The following MALRD1 variants were observed in gnomAD, a reference collection of about 807,000 sequenced individuals.
MALRD1 encodes MAM and LDL receptor class A domain containing 1, also known as MAM and LDL-receptor class A domain-containing protein 1.
MALRD1 carries 247 observed loss-of-function variants against 242.1 expected under a neutral mutation model. The observed-to-expected ratio is 1.02, with a 90% confidence interval of 0.92 to 1.13. The LOEUF is 1.13. Ranked by LOEUF, MALRD1 falls within the 50% of genes most tolerant of loss-of-function variation. The pLI is 0.00. For missense variants in MALRD1, 2,989 were observed against 2,533.1 expected (o/e 1.18, Z -3.86); for synonymous variants, 995 against 866.6 (o/e 1.15, Z -2.60).
chr10:19,263,285 C>A (rs1839833592), intron 19 of MALRD1, among the ~76,000 whole-genome samples: 1 of 152,154 alleles, frequency 6.6e-6, no homozygotes, highest in African/African-American at 2.4e-5. Context: ...CCCCTTTCTC[C>A]ACATCTTCAC....
intron 25 of MALRD1, among the ~76,000 whole-genome samples, chr10:19,349,816 T>C (rs933300267): frequency 1.3e-5 from 2 of 152,190 alleles, no homozygotes; most frequent in Non-Finnish European, 2.9e-5. Flanking sequence ...TCAGCTTTTC[T>C]ATTTAAACAC....
chr10:19,722,764 A>C (rs956381545), intron 38 of MALRD1, among the ~76,000 whole-genome samples: 2 of 152,092 alleles, frequency 1.3e-5, no homozygotes, highest in Non-Finnish European at 2.9e-5. Flanking sequence ...TGACAAAAGG[A>C]GGAAAGCATA....
chr10:19,535,763 T>A (rs1443172340), intron 32 of MALRD1, among the ~76,000 whole-genome samples: 1 of 152,074 alleles, frequency 6.6e-6, no homozygotes, highest in Non-Finnish European at 1.5e-5. Flanking sequence ...TTCTAAAGGG[T>A]CCTCATATTT....
chr10:19,542,108 C>T (rs910117809), intron 32 of MALRD1, among the ~76,000 whole-genome samples: 16 of 152,086 alleles, frequency 1.1e-4, no homozygotes, highest in African/African-American at 3.6e-4. Context: ...AATCAAGTCA[C>T]AGTTTTAAGA....
At chr10:19,493,575 C>T (rs1321831969) in intron 30 of MALRD1, among the ~76,000 whole-genome samples, 2 of 151,302 alleles carry the variant, frequency 1.3e-5, no homozygotes, top group Non-Finnish European at 2.9e-5. Flanking sequence ...TTTGGGAGGC[C>T]GATGCGGGTG....
At chr10:19,161,896 C>A (rs561902188) in intron 12 of MALRD1, among the ~76,000 whole-genome samples, 7 of 152,148 alleles carry the variant, frequency 4.6e-5, no homozygotes, top group Non-Finnish European at 8.8e-5. Context: ...GGCGTGGTAG[C>A]ACGTGCCTGT....
At chr10:19,476,054 T>C (rs114169061) in intron 29 of MALRD1, among the ~76,000 whole-genome samples, 143 of 152,328 alleles carry the variant, frequency 9.4e-4, no homozygotes, top group Middle Eastern at 3.4e-3. Flanking sequence ...TAATATTCTT[T>C]TTAGTGCACA....
chr10:19,683,178 G>A (rs1157679541), intron 36 of MALRD1, among the ~76,000 whole-genome samples: 3 of 151,754 alleles, frequency 2.0e-5, no homozygotes, highest in African/African-American at 7.3e-5. Context: ...GAATTGGTAA[G>A]CCATGAAAAC....
rs191439715 is a variant in MALRD1, at chr10:19,645,411, A to G, written c.6137+29488A>G. On this transcript the variant is annotated intron_variant, in intron 36 of 39. Coordinates refer to ENST00000454679, the MANE Select transcript of MALRD1 (RefSeq NM_001142308.3). ...CCAAAGGATTATAAATCATGCTGCT[A>G]TAAAGACACATGCACACATACGTTT... is the stretch of plus-strand genomic sequence containing the variant. Among the ~76,000 whole-genome samples, 1,122 of 152,338 alleles carry G rather than the reference A, an allele frequency of 7.4e-3. 4 individuals are homozygous for G. The highest frequency in any genetic ancestry group is 0.012 in the Non-Finnish European group (819 of 68,034).
chr10:19,326,039 A>AT (rs35409078), intron 22 of MALRD1, among the ~76,000 whole-genome samples: 1 of 151,774 alleles, frequency 6.6e-6, no homozygotes, highest in South Asian at 2.1e-4. Flanking sequence ...CAATTTTAGA[A>AT]TTTTTTTTAT....
At chr10:19,146,845 A>G (rs1401012818) in intron 11 of MALRD1, among the ~76,000 whole-genome samples, 2 of 152,184 alleles carry the variant, frequency 1.3e-5, no homozygotes, top group African/African-American at 4.8e-5. Flanking sequence ...CCATCATTCC[A>G]GTGTTTACAT....
At chr10:19,430,654 G>A (rs372989788) in intron 28 of MALRD1, among the ~76,000 whole-genome samples, 20 of 152,004 alleles carry the variant, frequency 1.3e-4, no homozygotes, top group Admixed American at 4.6e-4. Context: ...GTATTCTTAT[G>A]TTCCCATGTG....
intron 36 of MALRD1, among the ~76,000 whole-genome samples, chr10:19,641,909 CT>C: frequency 6.6e-6 from 1 of 152,104 alleles, no homozygotes; most frequent in Non-Finnish European, 1.5e-5. Flanking sequence ...AAACTCTGTC[CT>C]TTTATTATTG....
rs192479204 is a variant in MALRD1 at position 19,134,294 on chromosome 10, C to T, written c.1203+346C>T. On this transcript the variant is annotated intron_variant, in intron 9 of 39. Coordinates refer to ENST00000454679, the MANE Select transcript of MALRD1 (RefSeq NM_001142308.3). ...GTATTGAAACTTAGTAGAGTATAGG[C>T]AAATGTTTTGAATGCAATAATTCAT... Among the ~76,000 whole-genome samples, 569 of 152,208 alleles carry T rather than the reference C, an allele frequency of 3.7e-3. 5 individuals carry two copies. Among genetic ancestry groups the T allele is most frequent in the South Asian group, 0.029 (139 of 4,824 alleles).
intron 31 of MALRD1, among the ~76,000 whole-genome samples, chr10:19,507,904 A>G (rs772915314): frequency 5.3e-5 from 8 of 152,196 alleles, no homozygotes; most frequent in Non-Finnish European, 7.3e-5. Context: ...TCATCAGGAA[A>G]TATTTTTTTG....
intron 18 of MALRD1, among the ~76,000 whole-genome samples, chr10:19,257,327 A>G (rs1839559693): frequency 6.6e-6 from 1 of 152,162 alleles, no homozygotes; most frequent in African/African-American, 2.4e-5. Flanking sequence ...GGGAACAATT[A>G]TTTGCCTTCA....
chr10:19,094,702 G>A (rs1835956873), intron 4 of MALRD1, among the ~76,000 whole-genome samples: 1 of 152,156 alleles, frequency 6.6e-6, no homozygotes, highest in Non-Finnish European at 1.5e-5. Context: ...AATGAGGAAG[G>A]AGACTGTTTA....
intron 28 of MALRD1, among the ~76,000 whole-genome samples, chr10:19,408,320 T>C (rs987978479): frequency 6.6e-6 from 1 of 152,136 alleles, no homozygotes; most frequent in Admixed American, 6.6e-5. Flanking sequence ...TTCAGTTCTA[T>C]GGGCATCTGG....
chr10:19,536,399 G>A (rs372092386), intron 32 of MALRD1, among the ~76,000 whole-genome samples: 42 of 149,046 alleles, frequency 2.8e-4, no homozygotes, highest in African/African-American at 8.6e-4. Context: ...TGTGCACAAC[G>A]TGCAGGTTTG....
Sources: gnomAD v4.1 joint callset for allele counts (sites outside exome capture counted in the v4.1 genomes callset) on GRCh38, gnomAD v4.1.1 for gene constraint, MANE v1.5 for transcripts, NCBI Gene and HGNC (gene_info 2026-07-23, HGNC 2026-07-21) for gene names.